Variants in LDLRAD4 observed in about 807,000 individuals in gnomAD.
The protein encoded by LDLRAD4 is low density lipoprotein receptor class A domain containing 4, also known as low-density lipoprotein receptor class A domain-containing protein 4.
LDLRAD4 carries 5 observed loss-of-function variants against 17.0 expected under a neutral mutation model. The observed-to-expected ratio is 0.29, with a 90% CI of 0.15 to 0.62. LDLRAD4 has a LOEUF of 0.62. Ranked by LOEUF, LDLRAD4 falls within the 20% of genes least tolerant of loss-of-function variation. LDLRAD4 has a pLI of 0.84. For synonymous variants in LDLRAD4, 168 were observed against 171.8 expected, an observed-to-expected ratio of 0.98 and a Z score of 0.17; for missense variants, 340 against 424.7, an observed-to-expected ratio of 0.80 and a Z score of 1.75.
chr18:13,233,189 T>G (rs2042167896), intron 1 of LDLRAD4, among the ~76,000 whole-genome samples: 1 of 152,256 alleles, frequency 6.6e-6, no homozygotes, highest in African/African-American at 2.4e-5. Context: ...TTGGGTCTGC[T>G]TGGACACGGG....
At chr18:13,260,984 C>T (rs952255130) in intron 1 of LDLRAD4, among the ~76,000 whole-genome samples, 2 of 152,248 alleles carry the variant, frequency 1.3e-5, no homozygotes, top group African/African-American at 4.8e-5. Flanking sequence ...ACTGCCGGTG[C>T]CCCACCTGGT....
chr18:13,595,211 C>A (rs1408911568), intron 3 of LDLRAD4, among the ~76,000 whole-genome samples: 1 of 151,654 alleles, frequency 6.6e-6, no homozygotes, highest in Non-Finnish European at 1.5e-5. Flanking sequence ...TTTTTCTATT[C>A]TCTGTTTTGT....
At chr18:13,505,160 G>A (rs554977978) in intron 3 of LDLRAD4, among the ~76,000 whole-genome samples, 22 of 152,346 alleles carry the variant, frequency 1.4e-4, no homozygotes, top group Non-Finnish European at 2.5e-4. Flanking sequence ...GGCAGTAGGA[G>A]CTGGTTACCC....
intron 3 of LDLRAD4, among the ~76,000 whole-genome samples, chr18:13,485,174 G>A (rs1273054931): frequency 2.0e-5 from 3 of 152,246 alleles, no homozygotes; most frequent in Non-Finnish European, 4.4e-5. Flanking sequence ...TGAGCTCCTC[G>A]TGGGGAGGAC....
At chr18:13,344,754 T>G (rs2082582784) in intron 1 of LDLRAD4, among the ~76,000 whole-genome samples, 1 of 152,220 alleles carries the variant, frequency 6.6e-6, no homozygotes, top group Non-Finnish European at 1.5e-5. Context: ...CTCTTTTATT[T>G]CATTGAGCAG....
At chr18:13,230,793 A>G (rs1332286061) in intron 1 of LDLRAD4, among the ~76,000 whole-genome samples, 3 of 152,142 alleles carry the variant, frequency 2.0e-5, no homozygotes, top group Admixed American at 6.5e-5. Flanking sequence ...AAATCCACAG[A>G]CCATATCTTG....
chr18:13,297,706 A>T (rs1255821299), intron 1 of LDLRAD4, among the ~76,000 whole-genome samples: 2 of 152,238 alleles, frequency 1.3e-5, no homozygotes, highest in Non-Finnish European at 2.9e-5. Flanking sequence ...AGGCCGAGAC[A>T]GGAGGATCAC....
intron 3 of LDLRAD4, among the ~76,000 whole-genome samples, chr18:13,497,551 T>A (rs1307755125): frequency 1.3e-5 from 2 of 152,160 alleles, no homozygotes; most frequent in Non-Finnish European, 2.9e-5. Context: ...TCTTGTAATG[T>A]TTTTAAAAGG....
intron 3 of LDLRAD4, among the ~76,000 whole-genome samples, chr18:13,513,979 G>A (rs2093823234): frequency 6.6e-6 from 1 of 152,196 alleles, no homozygotes; most frequent in Non-Finnish European, 1.5e-5. Flanking sequence ...TCAATTCAGG[G>A]AACTGGGGTG....
At chr18:13,322,122 T>C (rs1412588495) in intron 1 of LDLRAD4, among the ~76,000 whole-genome samples, 3 of 151,654 alleles carry the variant, frequency 2.0e-5, no homozygotes, top group African/African-American at 7.2e-5. Context: ...GAGTCTATGT[T>C]GTATTGCGAC....
chr18:13,279,995 T>A (rs1217848073), intron 1 of LDLRAD4: 1 of 152,272 alleles, frequency 6.6e-6, no homozygotes, highest in Non-Finnish European at 1.5e-5. Context: ...AATGGACAGG[T>A]GGTATTGCCT....
intron 4 of LDLRAD4, among the ~76,000 whole-genome samples, chr18:13,627,206 A>G (rs2041248560): frequency 6.6e-6 from 1 of 152,226 alleles, no homozygotes; most frequent in Non-Finnish European, 1.5e-5. Flanking sequence ...GGTTGCAGTG[A>G]GCTGAGATCA....
intron 3 of LDLRAD4, among the ~76,000 whole-genome samples, chr18:13,467,770 C>T (rs919497003): frequency 3.3e-5 from 5 of 152,162 alleles, no homozygotes; most frequent in Admixed American, 6.5e-5. Flanking sequence ...CACGGTGTGG[C>T]GTGGACTTCA....
chr18:13,562,986 C>T (rs897247943), intron 3 of LDLRAD4: 17 of 152,218 alleles, frequency 1.1e-4, no homozygotes, highest in East Asian at 1.9e-4. Context: ...TATATAGAGA[C>T]GGTTGTCGCC....
At chr18:13,361,413 T>C (rs114474474) in intron 1 of LDLRAD4, among the ~76,000 whole-genome samples, 2 of 152,340 alleles carry the variant, frequency 1.3e-5, no homozygotes, top group African/African-American at 4.8e-5. Flanking sequence ...AAGAAGGGTA[T>C]ATATCTTTCC....
intron 4 of LDLRAD4, among the ~76,000 whole-genome samples, chr18:13,630,319 G>C (rs1447972216): frequency 2.6e-5 from 4 of 152,218 alleles, no homozygotes; most frequent in African/African-American, 9.6e-5. Context: ...CTGACAGCCA[G>C]GGGTACTGGC....
At chr18:13,516,467 C>T (rs1045885568) in intron 3 of LDLRAD4, among the ~76,000 whole-genome samples, 60 of 152,158 alleles carry the variant, frequency 3.9e-4, no homozygotes, top group Admixed American at 3.7e-3. Flanking sequence ...CTGAGGCCGT[C>T]GGGGAGGGTG....
At chr18:13,409,951 C>T (rs2088165118) in intron 2 of LDLRAD4, among the ~76,000 whole-genome samples, 1 of 152,132 alleles carries the variant, frequency 6.6e-6, no homozygotes, top group African/African-American at 2.4e-5. Flanking sequence ...TGCTCAAGGT[C>T]AACATCAGCA....
chr18:13,273,414 C>T (rs745926468), upstream of LDLRAD4, among the ~76,000 whole-genome samples: 5 of 152,160 alleles, frequency 3.3e-5, no homozygotes, highest in Admixed American at 1.3e-4. Flanking sequence ...GATCCTCCCG[C>T]CTCAGCTTCC....
Sources: allele counts gnomAD v4.1 joint callset (sites outside exome capture counted in the v4.1 genomes callset), GRCh38; gene constraint gnomAD v4.1.1; transcripts MANE v1.5; gene names NCBI Gene and HGNC (gene_info 2026-07-23, HGNC 2026-07-21).